LRRC53: variants seen among roughly 807,000 people sequenced by gnomAD.
The protein encoded by LRRC53 is leucine-rich repeat-containing protein 53.
Under a neutral mutation model 13.6 loss-of-function variants are expected in LRRC53, and 25 were observed. The observed-to-expected ratio is 1.83, with a 90% CI of 1.34 to 2.56. The LOEUF (loss-of-function observed/expected upper bound fraction) is 2.56, where lower values mean the gene tolerates loss of function less well. Ranked by LOEUF, LRRC53 falls within the 30% of genes most tolerant of loss-of-function variation. LRRC53 has a pLI of 0.00. For synonymous variants in LRRC53, 204 were observed against 109.8 expected, an observed-to-expected ratio of 1.86 and a Z score of -5.37; for missense variants, 527 against 275.8, an observed-to-expected ratio of 1.91 and a Z score of -6.45.
At chr1:74,530,810 G>A in the LRRC53 span, among the ~76,000 whole-genome samples, 1 of 151,684 alleles carries the variant, frequency 6.6e-6, no homozygotes, top group Non-Finnish European at 1.5e-5. Context: ...AGTTTTAGCA[G>A]TCAAGGCATG....
intron 1 of LRRC53, among the ~76,000 whole-genome samples, chr1:74,496,005 A>C (rs1305802181): frequency 6.6e-6 from 1 of 152,180 alleles, no homozygotes; most frequent in East Asian, 1.9e-4. Flanking sequence ...ACAGCTTGTG[A>C]GACAGTGGTT....
chr1:74,494,755 C>T (rs187928206), intron 1 of LRRC53, among the ~76,000 whole-genome samples: 9 of 152,282 alleles, frequency 5.9e-5, no homozygotes, highest in Admixed American at 5.9e-4. Context: ...TTATTTAAAT[C>T]TCACATGTAA....
At chr1:74,523,917 C>T in the LRRC53 span, among the ~76,000 whole-genome samples, 3 of 152,104 alleles carry the variant, frequency 2.0e-5, no homozygotes, top group Non-Finnish European at 4.4e-5. Context: ...AATGCTATCC[C>T]TCCCCTTTCC....
At chr1:74,479,133 G>A (rs142593319) in intron 3 of LRRC53, among the ~76,000 whole-genome samples, 12 of 152,252 alleles carry the variant, frequency 7.9e-5, no homozygotes, top group African/African-American at 2.6e-4. Context: ...GATGCCATTT[G>A]TTGGTCTCTG....
intron 3 of LRRC53, among the ~76,000 whole-genome samples, chr1:74,477,204 C>T (rs977012355): frequency 1.3e-5 from 2 of 152,170 alleles, no homozygotes; most frequent in Admixed American, 6.5e-5. Flanking sequence ...CACTCTTTAA[C>T]TCATATGGGT....
At position 74,469,852 on chromosome 1, in the gene LRRC53, T is replaced by G. The variant is rs1667838398; in HGVS notation, c.*26A>C. The G allele has an allele frequency of 5.0e-6, 2 of 400,292 alleles. No homozygotes were observed. The highest frequency in any genetic ancestry group is 8.9e-6 in the Non-Finnish European group (2 of 225,934). The allele number at this position is 400,292 out of a possible 1,614,324, so 24.8% of individuals were successfully genotyped here. On this transcript the variant is annotated 3_prime_UTR_variant, in exon 5 of 5. Transcript: ENST00000294635. ...TGAAGAAAGCTAAAGTAGAAAAGGA[T>G]TATTATTTGAGTTATTTTGTTCACT... is the stretch of plus-strand genomic sequence containing the variant.
rs1307236139 is a variant in LRRC53, at chr1:74,471,298, TCTGA to T, written c.2320_2323del (p.Ser774ArgfsTer15). 2.7e-5 allele frequency: 11 copies of T among 400,544 alleles called. No individual in the cohort carries two copies. The highest frequency in any genetic ancestry group is 1.1e-4 in the East Asian group (3 of 28,088). The allele number at this position is 400,544 out of a possible 1,614,324, so 24.8% of individuals were successfully genotyped here. On this transcript the variant is annotated frameshift_variant, in exon 5 of 5. Coordinates refer to ENST00000294635, the MANE Select transcript of LRRC53 (RefSeq NM_001382280.1). LOFTEE classifies it low-confidence loss of function (END_TRUNC). Reference sequence around the variant, plus strand: ...AGTGAGTCTAACATAGTTGCTACTCTCTGACTGTTGAAGAAAATCTGCAGAACAC... The same window carrying T: ...AGTGAGTCTAACATAGTTGCTACTCTCTGTTGAAGAAAATCTGCAGAACAC...
At chr1:74,482,405 T>G (rs1390358037) in intron 2 of LRRC53, among the ~76,000 whole-genome samples, 1 of 152,200 alleles carries the variant, frequency 6.6e-6, no homozygotes, top group Non-Finnish European at 1.5e-5. Flanking sequence ...GAAAAATAAA[T>G]GTAGTGAAGT....
At chr1:74,491,351 C>G (rs899761959) in intron 1 of LRRC53, among the ~76,000 whole-genome samples, 2 of 152,218 alleles carry the variant, frequency 1.3e-5, no homozygotes, top group African/African-American at 2.4e-5. Context: ...TCCCCAGTAG[C>G]TGGGACTACA....
At chr1:74,493,942 A>T (rs1368442618) in intron 1 of LRRC53, among the ~76,000 whole-genome samples, 1 of 152,200 alleles carries the variant, frequency 6.6e-6, no homozygotes, top group Non-Finnish European at 1.5e-5. Flanking sequence ...ATATGGCAAA[A>T]GGCATGGGTA....
rs1314819376 is a variant in LRRC53 at position 74,480,826 on chromosome 1, C to A, written c.231G>T (p.Leu77=). 5 of 717,574 alleles carry A rather than the reference C, an allele frequency of 7.0e-6. No individual in the cohort carries two copies. In the East Asian group the frequency reaches 1.3e-4, roughly 19 times the overall value. 44.5% of individuals were successfully genotyped at this position (717,574 alleles called of 1,614,324 possible). Residue 77 remains leucine (L), a synonymous_variant, in exon 3 of 5, where the codon CTG becomes CTT. Coordinates refer to ENST00000294635, the MANE Select transcript of LRRC53 (RefSeq NM_001382280.1). ...AGGTCCGCAACATCGTAAGCCCATG[C>A]AGGGCATCTTCCTGAACATCCTCGA... ...NGIEDVQEDA[L]HGLTMLRTLL...
the LRRC53 span, among the ~76,000 whole-genome samples, chr1:74,534,287 T>G: frequency 1.3e-5 from 2 of 152,118 alleles, no homozygotes; most frequent in Non-Finnish European, 2.9e-5. Flanking sequence ...AGTTCCCAAG[T>G]TTGCAAAAGC....
chr1:74,511,261 C>T (rs1048795075), intron 1 of LRRC53, among the ~76,000 whole-genome samples: 1 of 150,072 alleles, frequency 6.7e-6, no homozygotes, highest in South Asian at 2.1e-4. Flanking sequence ...GGTGCGATCT[C>T]GGCTCACCAC....
the LRRC53 span, among the ~76,000 whole-genome samples, chr1:74,528,173 C>A: frequency 6.6e-6 from 1 of 152,132 alleles, no homozygotes; most frequent in Non-Finnish European, 1.5e-5. Flanking sequence ...TGGTTCCATG[C>A]AGGCTAAGAA....
intron 1 of LRRC53, among the ~76,000 whole-genome samples, chr1:74,498,933 A>G (rs1049948529): frequency 1.3e-5 from 2 of 152,232 alleles, no homozygotes; most frequent in African/African-American, 4.8e-5. Context: ...CAGAGCATTA[A>G]TATGACGCTT....
At chr1:74,535,370 T>C in the LRRC53 span, among the ~76,000 whole-genome samples, 5 of 152,086 alleles carry the variant, frequency 3.3e-5, no homozygotes, top group African/African-American at 1.2e-4. Context: ...ACTCTTATGC[T>C]GACACACAAG....
chr1:74,502,529 A>G (rs1390007269), intron 1 of LRRC53, among the ~76,000 whole-genome samples: 2 of 152,220 alleles, frequency 1.3e-5, no homozygotes, highest in East Asian at 3.8e-4. Context: ...TGGAGACTTA[A>G]CTTTGCCAAC....
intron 1 of LRRC53, 112 bp downstream of exon 1, chr1:74,512,414 C>CA (rs1670274978): frequency 6.6e-6 from 1 of 152,120 alleles, no homozygotes; most frequent in Non-Finnish European, 1.5e-5. Flanking sequence ...TGACATCACC[C>CA]ACATGATCAT....
At chr1:74,532,104 G>T in the LRRC53 span, among the ~76,000 whole-genome samples, 1 of 152,166 alleles carries the variant, frequency 6.6e-6, no homozygotes, top group East Asian at 1.9e-4. Flanking sequence ...TTAGGAAGAT[G>T]AATCCATGCA....
Sources: gnomAD v4.1 joint callset for allele counts (sites outside exome capture counted in the v4.1 genomes callset) on GRCh38, gnomAD v4.1.1 for gene constraint, MANE v1.5 for transcripts, NCBI Gene and HGNC (gene_info 2026-07-23, HGNC 2026-07-21) for gene names.